The following UXS1 variants were observed in gnomAD, a reference collection of about 807,000 sequenced individuals.
The protein encoded by UXS1 is UDP-glucuronic acid decarboxylase 1.
A neutral mutation model predicts 62.6 loss-of-function variants in UXS1; 33 were observed. The observed-to-expected ratio is 0.53, with a 90% confidence interval of 0.40 to 0.70. The LOEUF is 0.70. Ranked by LOEUF, UXS1 falls within the 30% of genes least tolerant of loss-of-function variation. The pLI is 0.00. For synonymous variants in UXS1, 213 were observed against 206.8 expected, an observed-to-expected ratio of 1.03 and a Z score of -0.26; for missense variants, 434 against 556.3, an observed-to-expected ratio of 0.78 and a Z score of 2.21.
At chr2:106,165,696 C>A (rs563568404) in intron 2 of UXS1, among the ~76,000 whole-genome samples, 1 of 152,122 alleles carries the variant, frequency 6.6e-6, no homozygotes, top group Non-Finnish European at 1.5e-5. Context: ...CATGGCTTCC[C>A]GAAGACAGCT....
At chr2:106,157,428 G>C (rs1272905470) in intron 5 of UXS1, among the ~76,000 whole-genome samples, 1 of 152,184 alleles carries the variant, frequency 6.6e-6, no homozygotes. Flanking sequence ...CTGTGAGCTA[G>C]AAAAGGTTAA....
chr2:106,182,744 C>T (rs547639393), intron 1 of UXS1, among the ~76,000 whole-genome samples: 21 of 151,130 alleles, frequency 1.4e-4, no homozygotes, highest in Non-Finnish European at 2.7e-4. Context: ...CCCCTCTTCA[C>T]GCCTCACTGC....
intron 5 of UXS1, among the ~76,000 whole-genome samples, chr2:106,154,500 C>T (rs1195228540): frequency 2.6e-5 from 4 of 152,144 alleles, no homozygotes; most frequent in African/African-American, 9.7e-5. Flanking sequence ...GAGGCAGAGA[C>T]TAGAGTGATG....
intron 10 of UXS1, among the ~76,000 whole-genome samples, chr2:106,106,291 G>T (rs1196546397): frequency 6.6e-6 from 1 of 150,634 alleles, no homozygotes; most frequent in African/African-American, 2.4e-5. Flanking sequence ...TTGAACCTGG[G>T]AGGCGGAGGT....
chr2:106,152,481 G>A (rs1483721234), intron 5 of UXS1, among the ~76,000 whole-genome samples: 1 of 58,374 alleles, frequency 1.7e-5, no homozygotes, highest in East Asian at 4.0e-4. Context: ...AAGGAAGGAA[G>A]GAAGGGAGGG....
chr2:106,138,878 T>A (rs2104972781), intron 6 of UXS1: 2 of 985,330 alleles, frequency 2.0e-6, no homozygotes, highest in South Asian at 4.7e-5. Context: ...CCAGTTCCTA[T>A]CCTAAAAAGG....
intron 2 of UXS1, 78 bp from the exon 3 acceptor site, chr2:106,164,877 G>A (rs1055358734): frequency 2.3e-5 from 24 of 1,048,046 alleles, no homozygotes; most frequent in East Asian, 1.1e-4. Context: ...ATAACCCAAC[G>A]GATGCAGACC....
chr2:106,165,979 A>G lies in UXS1; in HGVS notation c.122+77T>C. On this transcript the variant is annotated intron_variant, in intron 2 of 14. Transcript: ENST00000283148. ...AAATATTTTTCAATTAACCCATGAC[A>G]TCCATGGTATATATGTACCAACTGA... The G allele has an allele frequency of 3.6e-6, 5 of 1,377,932 alleles. No homozygotes were observed. The South Asian group carries it at 6.8e-5, about 19-fold the overall frequency. 85.4% of individuals were successfully genotyped at this position (1,377,932 alleles called of 1,614,324 possible).
chr2:106,163,340 GC>G (rs1307154592), intron 4 of UXS1, among the ~76,000 whole-genome samples: 1 of 151,778 alleles, frequency 6.6e-6, no homozygotes, highest in Non-Finnish European at 1.5e-5. Context: ...TACATTTCAG[GC>G]CCACTGGATT....
intron 1 of UXS1, among the ~76,000 whole-genome samples, chr2:106,190,142 A>G (rs1684822940): frequency 6.6e-6 from 1 of 152,264 alleles, no homozygotes; most frequent in South Asian, 2.1e-4. Context: ...TGGATCTGTC[A>G]TACTACATAG....
intron 1 of UXS1, among the ~76,000 whole-genome samples, chr2:106,188,670 C>T (rs1573598905): frequency 6.6e-6 from 1 of 152,172 alleles, no homozygotes; most frequent in South Asian, 2.1e-4. Flanking sequence ...TGACAATAGC[C>T]CGGGAGGACC....
rs534399522 is a variant in UXS1, at chr2:106,122,399, G to A, written c.759+571C>T. Among the ~76,000 whole-genome samples the A allele has an allele frequency of 2.6e-4, 39 of 152,260 alleles. No homozygotes were observed. The South Asian group carries it at 6.6e-3, about 26-fold the overall frequency. ...CAGAGATAAGAACTGAGAGAATGACGGCTTAAATCTTGGAGTCACACAGCA... is the reference window on the plus strand; with the variant it reads ...CAGAGATAAGAACTGAGAGAATGACAGCTTAAATCTTGGAGTCACACAGCA... On this transcript the variant is annotated intron_variant, in intron 9 of 14. Coordinates refer to ENST00000283148, the MANE Select transcript of UXS1 (RefSeq NM_001253875.2).
intron 11 of UXS1, 127 bp from the exon 12 acceptor site, chr2:106,101,245 T>C (rs941983826): frequency 1.4e-5 from 13 of 908,962 alleles, no homozygotes; most frequent in African/African-American, 1.4e-4. Context: ...AAATGGAAAA[T>C]TGAATGTCGA....
chr2:106,120,742 A>G (rs1028512968), intron 9 of UXS1, among the ~76,000 whole-genome samples: 5 of 152,202 alleles, frequency 3.3e-5, no homozygotes, highest in African/African-American at 1.2e-4. Flanking sequence ...TGTGTGAAGT[A>G]CACTGTGAAC....
At chr2:106,147,772 C>T (rs1681687873) in intron 5 of UXS1, among the ~76,000 whole-genome samples, 2 of 152,186 alleles carry the variant, frequency 1.3e-5, no homozygotes, top group Middle Eastern at 3.2e-3. Flanking sequence ...CACACTTACT[C>T]AAGGCTTCTT....
chr2:106,178,676 A>G (rs1003095996), intron 1 of UXS1, among the ~76,000 whole-genome samples: 2 of 152,106 alleles, frequency 1.3e-5, no homozygotes, highest in Non-Finnish European at 2.9e-5. Context: ...TCTCTTTTAC[A>G]ACATTCCACA....
At chr2:106,170,413 C>T (rs1016205872) in intron 1 of UXS1, among the ~76,000 whole-genome samples, 4 of 152,178 alleles carry the variant, frequency 2.6e-5, no homozygotes, top group African/African-American at 9.7e-5. Context: ...CAAGATGAGG[C>T]GTTTTCATAT....
At chr2:106,099,717 C>T (rs1180987976) in intron 12 of UXS1, among the ~76,000 whole-genome samples, 2 of 152,184 alleles carry the variant, frequency 1.3e-5, no homozygotes, top group Non-Finnish European at 2.9e-5. Flanking sequence ...GCTAAAGAAC[C>T]TGCAACAAAA....
At position 106,103,319 on chromosome 2, in the gene UXS1, A is replaced by T. The variant is rs188726016; in HGVS notation, c.923+1475T>A. ...GACTGGTTTCCTTTTACCGCACAAC[A>T]TCTCATTGATATTCCATGTGGTGTG... On this transcript the variant is annotated intron_variant, in intron 11 of 14. Coordinates refer to ENST00000283148, the MANE Select transcript of UXS1 (RefSeq NM_001253875.2). 9.3e-3 allele frequency among the ~76,000 whole-genome samples: 1,410 copies of T among 152,302 alleles called. 25 individuals are homozygous for T. The highest frequency in any genetic ancestry group is 0.032 in the African/African-American group (1,327 of 41,558).
Sources: allele counts gnomAD v4.1 joint callset (sites outside exome capture counted in the v4.1 genomes callset), GRCh38; gene constraint gnomAD v4.1.1; transcripts MANE v1.5; gene names NCBI Gene and HGNC (gene_info 2026-07-23, HGNC 2026-07-21).